Variants in CDH26 observed in about 807,000 individuals in gnomAD.
CDH26 encodes the protein cadherin-like protein 26.
Under a neutral mutation model 90.3 loss-of-function variants are expected in CDH26, and 83 were observed. The observed-to-expected ratio is 0.92, with a 90% CI of 0.77 to 1.10. The LOEUF is 1.10. Among genes scored for constraint, CDH26 ranks in the 50% least tolerant of loss-of-function variants. CDH26 has a pLI of 0.00. For synonymous variants in CDH26, 397 were observed against 396.3 expected, an observed-to-expected ratio of 1.00 and a Z score of -0.02; for missense variants, 1,013 against 1,037.6, an observed-to-expected ratio of 0.98 and a Z score of 0.33.
rs1216700373 is a variant in CDH26, at chr20:59,994,354, G to A, written c.1531G>A (p.Glu511Lys). Residue 511 changes from glutamate to lysine, a missense_variant, in exon 11 of 18, where the codon GAG becomes AAG. Physicochemically the swap from Glu to Lys is moderately conservative, Grantham distance 56. Transcript: ENST00000348616. ...RPRSRYMEVC[E>K]SAVHEPLHIE... ...ACGTTCCCGCTACATGGAGGTCTGT[G>A]AGTCTGCTGTGCATGAGCCCCTCCA... 27 of 1,613,968 alleles carry A rather than the reference G, an allele frequency of 1.7e-5. 1 individual carries two copies. The highest frequency in any genetic ancestry group is 2.2e-5 in the Non-Finnish European group (26 of 1,180,034).
chr20:60,028,046 G>A (rs1490592844), intron 7 of CDH26, among the ~76,000 whole-genome samples: 1 of 152,134 alleles, frequency 6.6e-6, no homozygotes, highest in Non-Finnish European at 1.5e-5. Context: ...ATGCTTCTTG[G>A]TTTCACCTGT....
intron 1 of CDH26, among the ~76,000 whole-genome samples, chr20:59,966,231 TAAAAA>T (rs60088029): frequency 7.3e-4 from 56 of 76,264 alleles, no homozygotes; most frequent in African/African-American, 3.3e-3. Flanking sequence ...GGTGTTGCAT[TAAAAA>T]AAAAAAAAAA....
At chr20:59,985,504 T>G (rs1389198146) in intron 7 of CDH26, among the ~76,000 whole-genome samples, 2 of 152,080 alleles carry the variant, frequency 1.3e-5, no homozygotes, top group Non-Finnish European at 2.9e-5. Context: ...AGATCTCATG[T>G]GAACTCAGGG....
chr20:60,021,049 T>A (rs868806222), intron 7 of CDH26, among the ~76,000 whole-genome samples: 1 of 152,246 alleles, frequency 6.6e-6, no homozygotes, highest in Non-Finnish European at 1.5e-5. Context: ...TCTCCATTCC[T>A]CTGCTGCATG....
chr20:59,971,215 G>A (rs1314798380), intron 3 of CDH26, among the ~76,000 whole-genome samples: 5 of 152,118 alleles, frequency 3.3e-5, no homozygotes, highest in Non-Finnish European at 7.3e-5. Context: ...CAAACATAAA[G>A]AGTACAGAAA....
chr20:59,986,191 T>A (rs927542120), intron 7 of CDH26: 1 of 152,264 alleles, frequency 6.6e-6, no homozygotes, highest in Non-Finnish European at 1.5e-5. Context: ...AGGTAGGCTT[T>A]GGCCTCGCCT....
intron 3 of CDH26, 29 bp downstream of exon 3, chr20:59,970,215 C>G: frequency 6.2e-7 from 1 of 1,607,188 alleles, no homozygotes; most frequent in Non-Finnish European, 8.5e-7. Context: ...AGGAATGACC[C>G]CATCATGCCC....
intron 4 of CDH26, among the ~76,000 whole-genome samples, chr20:59,980,539 C>G (rs1485759360): frequency 6.6e-6 from 1 of 152,128 alleles, no homozygotes; most frequent in Non-Finnish European, 1.5e-5. Flanking sequence ...CTCAGGTAAT[C>G]CACCCGGCTA....
downstream of CDH26, among the ~76,000 whole-genome samples, chr20:60,018,702 CT>C (rs55994712): frequency 1.7e-4 from 3 of 17,808 alleles, no homozygotes; most frequent in Non-Finnish European, 2.9e-4. Flanking sequence ...CTCTTACTGC[CT>C]TTTTTTTTTT....
At chr20:59,997,356 C>G (rs2061612542) in intron 13 of CDH26, among the ~76,000 whole-genome samples, 1 of 152,270 alleles carries the variant, frequency 6.6e-6, no homozygotes, top group Non-Finnish European at 1.5e-5. Flanking sequence ...GGCTCTGTTT[C>G]TGCTTTTGCA....
downstream of CDH26, among the ~76,000 whole-genome samples, chr20:60,016,126 A>C (rs1412616021): frequency 6.6e-6 from 1 of 152,164 alleles, no homozygotes; most frequent in Non-Finnish European, 1.5e-5. Context: ...TTCCACACAA[A>C]TTTTAAGATT....
At chr20:59,985,177 C>A (rs750631502) in intron 7 of CDH26, 48 bp downstream of exon 7, 3 of 1,607,156 alleles carry the variant, frequency 1.9e-6, no homozygotes, top group East Asian at 4.5e-5. Flanking sequence ...AACAAGTAGC[C>A]CTTGGGTCCT....
intron 1 of CDH26, among the ~76,000 whole-genome samples, chr20:59,964,810 G>A (rs1482932674): frequency 6.6e-6 from 1 of 152,122 alleles, no homozygotes; most frequent in Non-Finnish European, 1.5e-5. Flanking sequence ...TGAATTTACA[G>A]AGCTTTAGTG....
intron 11 of CDH26, among the ~76,000 whole-genome samples, chr20:59,995,301 T>A (rs2061579069): frequency 6.6e-6 from 1 of 152,164 alleles, no homozygotes; most frequent in Admixed American, 6.5e-5. Context: ...GGTCACATAG[T>A]ATCAGTCTAT....
intron 17 of CDH26, among the ~76,000 whole-genome samples, chr20:60,009,564 CG>C (rs898050889): frequency 2.0e-5 from 3 of 152,126 alleles, no homozygotes; most frequent in African/African-American, 7.2e-5. Flanking sequence ...CCTCCCTCTG[CG>C]GGGCAGGGAG....
At chr20:60,021,193 T>C (rs2061949418) in intron 7 of CDH26, among the ~76,000 whole-genome samples, 1 of 152,242 alleles carries the variant, frequency 6.6e-6, no homozygotes, top group African/African-American at 2.4e-5. Flanking sequence ...CCCAGAAACA[T>C]ATACTTCTGA....
At chr20:60,017,743 T>G (rs1055336056), downstream of CDH26, among the ~76,000 whole-genome samples, 5 of 152,046 alleles carry the variant, frequency 3.3e-5, no homozygotes, top group African/African-American at 1.2e-4. Context: ...AGTCATTTGT[T>G]ACTTTAAACT....
intron 7 of CDH26, among the ~76,000 whole-genome samples, chr20:60,029,073 G>T (rs879597595): frequency 6.6e-6 from 1 of 152,186 alleles, no homozygotes; most frequent in Non-Finnish European, 1.5e-5. Flanking sequence ...GTGAAATAAG[G>T]GGGACACAGA....
chr20:59,989,186 G>T, intron 9 of CDH26, 23 bp downstream of exon 9: 2 of 1,611,974 alleles, frequency 1.2e-6, no homozygotes, highest in Non-Finnish European at 1.7e-6. Flanking sequence ...GGCCAAGAAG[G>T]GCGGTTGTTT....
Sources: allele counts gnomAD v4.1 joint callset (sites outside exome capture counted in the v4.1 genomes callset), GRCh38; gene constraint gnomAD v4.1.1; transcripts MANE v1.5; gene names NCBI Gene and HGNC (gene_info 2026-07-23, HGNC 2026-07-21).